IL33: variants seen among roughly 807,000 people sequenced by gnomAD.
IL33 encodes interleukin 33, also known as interleukin-33.
IL33 carries 37 observed loss-of-function variants against 27.3 expected under a neutral mutation model. The ratio of observed to expected loss-of-function variants is 1.36; its 90% CI spans 1.04 to 1.78. The LOEUF (loss-of-function observed/expected upper bound fraction) is 1.78. Among genes scored for constraint, IL33 ranks in the 40% most tolerant of loss-of-function variants. The pLI is 0.00. For synonymous variants in IL33, 132 were observed against 102.9 expected, an observed-to-expected ratio of 1.28 and a Z score of -1.71; for missense variants, 406 against 311.4, an observed-to-expected ratio of 1.30 and a Z score of -2.29.
chr9:6,244,377 C>T (rs1819702906), intron 2 of IL33, among the ~76,000 whole-genome samples: 1 of 152,094 alleles, frequency 6.6e-6, no homozygotes, highest in Non-Finnish European at 1.5e-5. Context: ...CCAAGACACC[C>T]AACAGATGCT....
At chr9:6,223,803 A>C (rs1366052509) in intron 1 of IL33, among the ~76,000 whole-genome samples, 1 of 152,198 alleles carries the variant, frequency 6.6e-6, no homozygotes, top group East Asian at 1.9e-4. Flanking sequence ...TTGCTCGCTT[A>C]ATCAGAAGTT....
chr9:6,247,901 T>C (rs12351937), intron 2 of IL33, among the ~76,000 whole-genome samples: 9,881 of 151,844 alleles, frequency 0.065, 1,051 homozygotes, highest in African/African-American at 0.22. Context: ...AGCCCCCACA[T>C]GTACATCTTT....
chr9:6,216,153 T>C, intron 1 of IL33, among the ~76,000 whole-genome samples: 1 of 152,134 alleles, frequency 6.6e-6, no homozygotes, highest in East Asian at 1.9e-4. Context: ...TTTTAAGAGA[T>C]GGGATCTTGC....
In IL33 at chr9:6,251,214, A is replaced by G. The variant is rs372911926; in HGVS notation, c.292A>G (p.Ile98Val). ...TACTGTGGAGTGCTTTGCCTTTGGT[A>G]TATCAGGGGTCCAGAAATATACTAG... is the stretch of plus-strand genomic sequence containing the variant. ...QSTVECFAFGISGVQKYTRAL... is the reference protein window; with the variant it reads ...QSTVECFAFGVSGVQKYTRAL... The change falls in exon 4 of 8, where the codon ATA becomes GTA. Residue 98 changes from isoleucine (I) to valine (V), a missense_variant. Ile to Val is a conservative substitution (Grantham distance 29). Transcript: ENST00000682010. 6.2e-7 allele frequency: 1 copy of G among 1,613,970 alleles called. No homozygotes were observed. Among genetic ancestry groups the G allele is most frequent in the East Asian group, 2.2e-5 (1 of 44,876 alleles).
chr9:6,240,529 A>G (rs1819469232), intron 1 of IL33, among the ~76,000 whole-genome samples: 1 of 152,230 alleles, frequency 6.6e-6, no homozygotes, highest in African/African-American at 2.4e-5. Flanking sequence ...GTATTTGTGT[A>G]TCTAAACATA....
At chr9:6,251,594 G>C (rs757983528) in intron 4 of IL33, among the ~76,000 whole-genome samples, 1 of 151,994 alleles carries the variant, frequency 6.6e-6, no homozygotes, top group Non-Finnish European at 1.5e-5. Flanking sequence ...TCAATATTTT[G>C]ACCATGAAAG....
chr9:6,253,431 GA>G, intron 5 of IL33, 120 bp from the exon 6 acceptor site: 1 of 626,608 alleles, frequency 1.6e-6, no homozygotes, highest in Non-Finnish European at 2.7e-6. Flanking sequence ...AACCACAAAA[GA>G]TTTGTTTTTA....
intron 1 of IL33, among the ~76,000 whole-genome samples, chr9:6,228,643 G>A (rs1024433730): frequency 1.8e-4 from 27 of 152,050 alleles, no homozygotes; most frequent in African/African-American, 5.8e-4. Context: ...GATCACTTGA[G>A]GCCAGGAGTT....
intron 1 of IL33, among the ~76,000 whole-genome samples, chr9:6,226,324 C>T (rs1207119273): frequency 6.6e-6 from 1 of 152,012 alleles, no homozygotes; most frequent in East Asian, 1.9e-4. Flanking sequence ...CCCTTTCTTT[C>T]TTTCTATCTG....
At chr9:6,253,040 T>C (rs745744668) in intron 5 of IL33, 49 bp downstream of exon 5, 4 of 1,186,716 alleles carry the variant, frequency 3.4e-6, no homozygotes, top group Non-Finnish European at 4.7e-6. Flanking sequence ...CTAATAAAAG[T>C]AAAACATTTT....
intron 2 of IL33, among the ~76,000 whole-genome samples, chr9:6,248,501 A>G (rs1820009697): frequency 6.6e-6 from 1 of 152,006 alleles, no homozygotes; most frequent in South Asian, 2.1e-4. Flanking sequence ...CCACCATCAG[A>G]TGATCCTCAC....
At chr9:6,240,785 C>T (rs1007334336) in intron 1 of IL33, among the ~76,000 whole-genome samples, 1 of 151,922 alleles carries the variant, frequency 6.6e-6, no homozygotes, top group Admixed American at 6.6e-5. Context: ...AATAAATTAA[C>T]CTTGCTTACT....
In IL33 at chr9:6,256,176, A is replaced by T; in HGVS notation, c.*8A>T. ...AAGCTCTCTGAAACTTAGTTGATGG[A>T]AACCTGTGAGTCTTGGGTTGAGTAC... is the stretch of plus-strand genomic sequence containing the variant. On this transcript the variant is annotated 3_prime_UTR_variant, in exon 8 of 8. Coordinates refer to ENST00000682010, the MANE Select transcript of IL33 (RefSeq NM_033439.4). 2 of 1,608,730 alleles carry T rather than the reference A, an allele frequency of 1.2e-6. No homozygotes were observed. Among genetic ancestry groups the T allele is most frequent in the Non-Finnish European group, 1.7e-6 (2 of 1,175,736 alleles).
At chr9:6,251,434 A>C (rs1816350745) in intron 4 of IL33, among the ~76,000 whole-genome samples, 169 bp downstream of exon 4, 1 of 152,154 alleles carries the variant, frequency 6.6e-6, no homozygotes, top group African/African-American at 2.4e-5. Flanking sequence ...AAGTAGGTGC[A>C]AGGTAGCTGT....
At chr9:6,219,258 C>T (rs528503532) in intron 1 of IL33, among the ~76,000 whole-genome samples, 9 of 151,990 alleles carry the variant, frequency 5.9e-5, no homozygotes, top group African/African-American at 1.7e-4. Context: ...CTAATCTCTT[C>T]GGTTTCCTGT....
At chr9:6,241,549 T>G (rs901550353) in intron 1 of IL33, 135 bp from the exon 2 acceptor site, 2 of 555,200 alleles carry the variant, frequency 3.6e-6, no homozygotes, top group Middle Eastern at 5.0e-4. Context: ...GTTAGAATAC[T>G]ACGTTCAAAC....
intron 1 of IL33, among the ~76,000 whole-genome samples, chr9:6,231,071 C>G (rs1204422733): frequency 6.6e-6 from 1 of 152,188 alleles, no homozygotes; most frequent in Non-Finnish European, 1.5e-5. Context: ...ATCATCTTCA[C>G]CACAACCACC....
chr9:6,223,373 C>T (rs1218564367), intron 1 of IL33, among the ~76,000 whole-genome samples: 1 of 147,230 alleles, frequency 6.8e-6, no homozygotes, highest in Non-Finnish European at 1.5e-5. Context: ...GTAATCTGCA[C>T]TTTTTTTTTT....
At chr9:6,240,854 A>G (rs754277792) in intron 1 of IL33, among the ~76,000 whole-genome samples, 4 of 152,186 alleles carry the variant, frequency 2.6e-5, no homozygotes, top group Non-Finnish European at 4.4e-5. Flanking sequence ...TTGTAATAAC[A>G]CTTAGCTTAA....
Sources: gnomAD v4.1 joint callset for allele counts (sites outside exome capture counted in the v4.1 genomes callset) on GRCh38, gnomAD v4.1.1 for gene constraint, MANE v1.5 for transcripts, NCBI Gene and HGNC (gene_info 2026-07-23, HGNC 2026-07-21) for gene names.